The following TMEM244 variants were observed in gnomAD, a reference collection of about 807,000 sequenced individuals.
TMEM244 encodes the protein transmembrane protein 244.
In TMEM244, 13 loss-of-function variants were observed where a neutral mutation model predicts 15.8. The ratio of observed to expected loss-of-function variants is 0.82; its 90% CI spans 0.53 to 1.30. The LOEUF (loss-of-function observed/expected upper bound fraction) is 1.30. Ranked by LOEUF, TMEM244 falls within the 50% of genes most tolerant of loss-of-function variation. The pLI is 0.00. For missense variants in TMEM244, 161 were observed against 144.9 expected (o/e 1.11, Z -0.57); for synonymous variants, 45 against 48.7 (o/e 0.92, Z 0.32).
At chr6:129,848,309 C>T (rs182488154) in intron 1 of TMEM244, among the ~76,000 whole-genome samples, 9 of 152,308 alleles carry the variant, frequency 5.9e-5, no homozygotes, top group East Asian at 5.8e-4. Flanking sequence ...TTCCAGAAGC[C>T]GCAAACAGAC....
At chr6:129,833,295 A>G (rs932232180) in intron 4 of TMEM244, among the ~76,000 whole-genome samples, 165 bp downstream of exon 4, 3 of 152,196 alleles carry the variant, frequency 2.0e-5, no homozygotes, top group Admixed American at 1.3e-4. Context: ...GAGTGGTACA[A>G]AAAAATTTGG....
chr6:129,859,470 A>T (rs970622382), intron 1 of TMEM244, among the ~76,000 whole-genome samples: 8 of 152,236 alleles, frequency 5.3e-5, no homozygotes, highest in Non-Finnish European at 1.0e-4. Context: ...GAAATTCTCC[A>T]GTTCAGGTGA....
At chr6:129,860,490 G>A (rs1776791582) in intron 1 of TMEM244, among the ~76,000 whole-genome samples, 1 of 152,080 alleles carries the variant, frequency 6.6e-6, no homozygotes, top group Non-Finnish European at 1.5e-5. Context: ...TTACTAAAAT[G>A]AATGTAGCAC....
At chr6:129,837,234 A>C (rs1776421619) in intron 3 of TMEM244, among the ~76,000 whole-genome samples, 1 of 152,244 alleles carries the variant, frequency 6.6e-6, no homozygotes, top group South Asian at 2.1e-4. Context: ...TCTTGGCAGA[A>C]ACCCTACAAA....
intron 1 of TMEM244, among the ~76,000 whole-genome samples, chr6:129,855,005 A>G (rs1419508442): frequency 6.6e-6 from 1 of 152,188 alleles, no homozygotes; most frequent in Non-Finnish European, 1.5e-5. Context: ...GCATTTTAAG[A>G]AACCTCTCAG....
chr6:129,854,553 T>A lies in TMEM244; in HGVS notation c.33+6603A>T, dbSNP rs141332019. On this transcript the variant is annotated intron_variant, in intron 1 of 4. Coordinates refer to ENST00000368143, the MANE Select transcript of TMEM244 (RefSeq NM_001010876.2). ...ACTCTTTACTGTGTACTTGTCTAGA[T>A]GAGCTCACTCATCCAAATAAACATG... Among the ~76,000 whole-genome samples, 518 of 152,322 alleles carry A rather than the reference T, an allele frequency of 3.4e-3. 2 individuals carry two copies. Among genetic ancestry groups the A allele is most frequent in the African/African-American group, 0.012 (501 of 41,572 alleles).
chr6:129,837,087 C>T (rs12196366), intron 3 of TMEM244, among the ~76,000 whole-genome samples: 54,087 of 152,042 alleles, frequency 0.36, 10,779 homozygotes, highest in Non-Finnish European at 0.47. Flanking sequence ...CACAAAGATA[C>T]TCTTCGAGAA....
Position 129,861,281 on chromosome 6 carries a change from A to C in TMEM244, c.-93T>G. ...CACAATTGTCACCGTGAGCTTTTCAATTACTCCTGGAGACTAAGTGTGAGA... is the reference window on the plus strand; with the variant it reads ...CACAATTGTCACCGTGAGCTTTTCACTTACTCCTGGAGACTAAGTGTGAGA... On this transcript the variant is annotated 5_prime_UTR_variant, in exon 1 of 5. Transcript: ENST00000368143. The C allele has an allele frequency of 6.9e-7, 1 of 1,448,978 alleles. No individual in the cohort carries two copies. The highest frequency in any genetic ancestry group is 9.7e-7 in the Non-Finnish European group (1 of 1,035,580). 89.8% of individuals were successfully genotyped at this position (1,448,978 alleles called of 1,614,324 possible). A position where few individuals can be genotyped will look rare whatever the true frequency, so the allele number is the denominator to read the frequency against.
intron 1 of TMEM244, among the ~76,000 whole-genome samples, 198 bp from the exon 2 acceptor site, chr6:129,846,050 T>A (rs1269154646): frequency 6.6e-6 from 1 of 152,204 alleles, no homozygotes; most frequent in Non-Finnish European, 1.5e-5. Context: ...TTAAGAGTCA[T>A]GTGTCTTTGG....
intron 1 of TMEM244, among the ~76,000 whole-genome samples, chr6:129,858,427 C>T (rs1029864710): frequency 2.0e-5 from 3 of 152,126 alleles, no homozygotes; most frequent in Admixed American, 6.6e-5. Context: ...GTTCCCATTG[C>T]CTACAGTAGC....
At chr6:129,835,007 G>A (rs1370716183) in intron 3 of TMEM244, among the ~76,000 whole-genome samples, 3 of 152,150 alleles carry the variant, frequency 2.0e-5, no homozygotes, top group African/African-American at 7.2e-5. Context: ...CTTATGCTTT[G>A]TTCATGATAG....
intron 1 of TMEM244, among the ~76,000 whole-genome samples, chr6:129,850,805 A>G (rs1453464047): frequency 6.6e-6 from 1 of 152,178 alleles, no homozygotes; most frequent in African/African-American, 2.4e-5. Context: ...TACAAAAGGT[A>G]ATTTATTTAC....
At chr6:129,859,311 C>T (rs1206627094) in intron 1 of TMEM244, among the ~76,000 whole-genome samples, 1 of 152,200 alleles carries the variant, frequency 6.6e-6, no homozygotes. Context: ...AATACTTTCT[C>T]TCTTACTTCT....
chr6:129,832,878 C>T (rs942238863), intron 4 of TMEM244, among the ~76,000 whole-genome samples: 4 of 152,110 alleles, frequency 2.6e-5, no homozygotes, highest in Admixed American at 2.0e-4. Flanking sequence ...GTTGGATAGG[C>T]GTCCGTGCAT....
intron 1 of TMEM244, among the ~76,000 whole-genome samples, chr6:129,853,235 A>G (rs1776658894): frequency 6.6e-6 from 1 of 151,984 alleles, no homozygotes; most frequent in Admixed American, 6.6e-5. Flanking sequence ...AGTACTTCCT[A>G]TTTCTGGAAA....
chr6:129,853,819 G>A (rs942446415), intron 1 of TMEM244, among the ~76,000 whole-genome samples: 2 of 152,174 alleles, frequency 1.3e-5, no homozygotes, highest in African/African-American at 2.4e-5. Context: ...GCATGTGCAC[G>A]TGGCATCCCT....
At chr6:129,831,455 C>T (rs991731138) in intron 4 of TMEM244, 69 bp from the exon 5 acceptor site, 3 of 1,096,670 alleles carry the variant, frequency 2.7e-6, no homozygotes, top group Non-Finnish European at 4.2e-6. Context: ...AGAAATACGT[C>T]TGTTTGGTCA....
intron 1 of TMEM244, among the ~76,000 whole-genome samples, chr6:129,853,207 G>T (rs1776658530): frequency 6.6e-6 from 1 of 152,034 alleles, no homozygotes; most frequent in Non-Finnish European, 1.5e-5. Context: ...CTCCTCTTTG[G>T]TGCTCCAGCC....
At chr6:129,841,254 C>G (rs1034098278) in intron 3 of TMEM244, among the ~76,000 whole-genome samples, 1 of 152,002 alleles carries the variant, frequency 6.6e-6, no homozygotes, top group African/African-American at 2.4e-5. Context: ...TAAAAAAGGA[C>G]GAGTTCATGT....
Sources: allele counts gnomAD v4.1 joint callset (sites outside exome capture counted in the v4.1 genomes callset), GRCh38; gene constraint gnomAD v4.1.1; transcripts MANE v1.5; gene names NCBI Gene and HGNC (gene_info 2026-07-23, HGNC 2026-07-21).